The following LRRC4C variants were observed in gnomAD, a reference collection of about 807,000 sequenced individuals.
The protein encoded by LRRC4C is leucine rich repeat containing 4C.
A neutral mutation model predicts 33.6 loss-of-function variants in LRRC4C; 5 were observed. The ratio of observed to expected loss-of-function variants is 0.15; its 90% CI spans 0.08 to 0.31. LRRC4C has a LOEUF of 0.31. Among genes scored for constraint, LRRC4C ranks in the 10% least tolerant of loss-of-function variants. The pLI, the probability that LRRC4C is intolerant of heterozygous loss-of-function variation, is 1.00. For synonymous variants in LRRC4C, 329 were observed against 302.0 expected (o/e 1.09, Z -0.93); for missense variants, 560 against 796.7 (o/e 0.70, Z 3.58).
At position 40,287,787 on chromosome 11, in the gene LRRC4C, T is replaced by C. The variant is rs112575841; in HGVS notation, c.-176+31841A>G. Among the ~76,000 whole-genome samples the C allele has an allele frequency of 3.9e-5, 6 of 152,328 alleles. 1 individual carries two copies. Among genetic ancestry groups the C allele is most frequent in the African/African-American group, 1.4e-4 (6 of 41,584 alleles). On this transcript the variant is annotated intron_variant, in intron 4 of 6. Transcript: ENST00000528697. The stretch of plus-strand genomic sequence containing the variant: ...TATTTTCCACAATTCACAAAGTATA[T>C]TTCAATCTTTACTGACGAAATGGCA...
chr11:41,322,661 C>T (rs1376424581), intron 1 of LRRC4C, among the ~76,000 whole-genome samples: 2 of 152,060 alleles, frequency 1.3e-5, no homozygotes, highest in Non-Finnish European at 2.9e-5. Flanking sequence ...GATCAGGTTA[C>T]GCTGCAGTGT....
chr11:41,122,976 T>G (rs1942520159), intron 1 of LRRC4C: 1 of 152,192 alleles, frequency 6.6e-6, no homozygotes, highest in Non-Finnish European at 1.5e-5. Flanking sequence ...CTTCTCCGTA[T>G]TGTTCCAACT....
At chr11:40,277,841 G>A (rs145068285) in intron 4 of LRRC4C, among the ~76,000 whole-genome samples, 2 of 152,150 alleles carry the variant, frequency 1.3e-5, no homozygotes, top group Non-Finnish European at 1.5e-5. Context: ...GTTACCTATC[G>A]CTGATTTTTT....
intron 6 of LRRC4C, among the ~76,000 whole-genome samples, chr11:40,124,012 G>A (rs140302894): frequency 2.0e-5 from 3 of 152,180 alleles, no homozygotes; most frequent in African/African-American, 4.8e-5. Context: ...TTAATAAATG[G>A]TGCTGAGAAA....
At chr11:40,277,129 T>C (rs1332403946) in intron 4 of LRRC4C, among the ~76,000 whole-genome samples, 2 of 152,158 alleles carry the variant, frequency 1.3e-5, no homozygotes, top group East Asian at 3.8e-4. Flanking sequence ...TACAGCCTTA[T>C]GCAGCTGTAT....
chr11:41,190,580 T>C (rs1945898428), intron 1 of LRRC4C, among the ~76,000 whole-genome samples: 1 of 152,166 alleles, frequency 6.6e-6, no homozygotes, highest in Non-Finnish European at 1.5e-5. Context: ...ACTGTGCACA[T>C]AGATTACCCA....
chr11:40,719,956 G>T (rs1946928325), intron 2 of LRRC4C, among the ~76,000 whole-genome samples: 1 of 151,946 alleles, frequency 6.6e-6, no homozygotes, highest in South Asian at 2.1e-4. Flanking sequence ...ATTTTAATTT[G>T]ATTTAATTTT....
chr11:40,662,348 G>T (rs1943483683), intron 2 of LRRC4C, among the ~76,000 whole-genome samples: 1 of 152,118 alleles, frequency 6.6e-6, no homozygotes, highest in Non-Finnish European at 1.5e-5. Context: ...ACATGTCCAA[G>T]ATCTGACCAC....
chr11:40,641,563 ACAAAGT>A (rs112335564), intron 3 of LRRC4C, among the ~76,000 whole-genome samples: 3,073 of 152,322 alleles, frequency 0.02, 46 homozygotes, highest in South Asian at 0.036. Flanking sequence ...TATCAAATAT[ACAAAGT>A]CAAAGTTGAT....
At chr11:40,991,284 T>G (rs1853543469) in intron 1 of LRRC4C, among the ~76,000 whole-genome samples, 1 of 151,804 alleles carries the variant, frequency 6.6e-6, no homozygotes, top group Non-Finnish European at 1.5e-5. Context: ...TAATAAAATT[T>G]GTCAACATTT....
intron 6 of LRRC4C, among the ~76,000 whole-genome samples, chr11:40,130,314 C>A (rs1856558827): frequency 6.6e-6 from 1 of 152,124 alleles, no homozygotes; most frequent in Non-Finnish European, 1.5e-5. Flanking sequence ...AAGTCTGGAG[C>A]CCCACAATGC....
intron 1 of LRRC4C, among the ~76,000 whole-genome samples, chr11:41,440,198 T>C (rs1562405): frequency 0.064 from 9,704 of 152,156 alleles, 366 homozygotes; most frequent in East Asian, 0.13. Context: ...TTGTATATGG[T>C]GAGAGACATG....
At chr11:40,393,233 TATG>T (rs1949405874) in intron 3 of LRRC4C, among the ~76,000 whole-genome samples, 1 of 152,140 alleles carries the variant, frequency 6.6e-6, no homozygotes, top group East Asian at 1.9e-4. Context: ...TTATAAATAA[TATG>T]ATGTTATGCC....
chr11:41,123,707 C>CTT (rs1332622965), intron 1 of LRRC4C, among the ~76,000 whole-genome samples: 1 of 152,088 alleles, frequency 6.6e-6, no homozygotes, highest in African/African-American at 2.4e-5. Context: ...ATTTCTAAGC[C>CTT]TTTCACAAAT....
chr11:40,680,152 G>A (rs142500020), intron 2 of LRRC4C, among the ~76,000 whole-genome samples: 9 of 152,204 alleles, frequency 5.9e-5, no homozygotes, highest in Admixed American at 1.3e-4. Context: ...ACTTGCATGG[G>A]GCCTTTAGCC....
intron 2 of LRRC4C, among the ~76,000 whole-genome samples, chr11:40,919,864 G>T (rs1192990966): frequency 6.6e-6 from 1 of 151,742 alleles, no homozygotes; most frequent in East Asian, 1.9e-4. Flanking sequence ...TTACATCTTT[G>T]CAAGGCATAA....
intron 1 of LRRC4C, among the ~76,000 whole-genome samples, chr11:41,105,866 C>A (rs979344358): frequency 1.3e-5 from 2 of 152,038 alleles, no homozygotes; most frequent in African/African-American, 4.8e-5. Context: ...TTTATTATAA[C>A]AAAATAATAA....
intron 2 of LRRC4C, among the ~76,000 whole-genome samples, chr11:40,767,313 C>T (rs372660303): frequency 5.3e-5 from 8 of 151,852 alleles, no homozygotes; most frequent in African/African-American, 1.9e-4. Flanking sequence ...AATGGATCAC[C>T]CAGATATATA....
chr11:41,272,435 C>A (rs1272026792), intron 1 of LRRC4C, among the ~76,000 whole-genome samples: 1 of 152,068 alleles, frequency 6.6e-6, no homozygotes, highest in Non-Finnish European at 1.5e-5. Context: ...CGCCTCTGAT[C>A]CCCATCAAAC....
Sources: allele counts gnomAD v4.1 joint callset (sites outside exome capture counted in the v4.1 genomes callset), GRCh38; gene constraint gnomAD v4.1.1; transcripts MANE v1.5; gene names NCBI Gene and HGNC (gene_info 2026-07-23, HGNC 2026-07-21).